The following MSRB3 variants were observed in gnomAD, a reference collection of about 807,000 sequenced individuals.
MSRB3 encodes methionine-R-sulfoxide reductase B3.
MSRB3 carries 13 observed loss-of-function variants against 21.0 expected under a neutral mutation model. The observed-to-expected ratio is 0.62, with a 90% CI of 0.40 to 0.98. The LOEUF is 0.98. Ranked by LOEUF, MSRB3 falls within the 50% of genes least tolerant of loss-of-function variation. The probability of loss-of-function intolerance (pLI) is 0.00; values close to 1 mark genes in which losing one functional copy is unlikely to be tolerated. For missense variants in MSRB3, 199 were observed against 230.3 expected, an observed-to-expected ratio of 0.86 and a Z score of 0.88; for synonymous variants, 87 against 88.6, an observed-to-expected ratio of 0.98 and a Z score of 0.10.
intron 5 of MSRB3, among the ~76,000 whole-genome samples, chr12:65,391,115 C>T (rs561871899): frequency 3.3e-5 from 5 of 151,988 alleles, no homozygotes; most frequent in Admixed American, 6.6e-5. Context: ...AGTATTTGAA[C>T]GATAGGAACA....
chr12:65,452,080 C>T (rs569499706), intron 5 of MSRB3, among the ~76,000 whole-genome samples: 7 of 152,076 alleles, frequency 4.6e-5, no homozygotes, highest in Non-Finnish European at 1.0e-4. Flanking sequence ...TCTATTTCTC[C>T]ATACCTATTT....
chr12:65,308,422 ATG>A, intron 1 of MSRB3, 105 bp from the exon 2 acceptor site: 1 of 1,411,748 alleles, frequency 7.1e-7, no homozygotes, highest in Non-Finnish European at 9.7e-7. Flanking sequence ...CAGTATGTGC[ATG>A]TGTTCAGTTC....
intron 5 of MSRB3, among the ~76,000 whole-genome samples, chr12:65,379,200 ATCCAT>A (rs1878807339): frequency 6.6e-6 from 1 of 151,774 alleles, no homozygotes; most frequent in African/African-American, 2.4e-5. Context: ...CCATCCATCC[ATCCAT>A]CCATCCATCC....
chr12:65,285,628 C>T (rs1872295213), intron 1 of MSRB3: 1 of 152,208 alleles, frequency 6.6e-6, no homozygotes, highest in African/African-American at 2.4e-5. Context: ...TGAGTCCAGC[C>T]TGGGCGGCGT....
intron 5 of MSRB3, among the ~76,000 whole-genome samples, chr12:65,374,945 G>C (rs1565861668): frequency 6.6e-6 from 1 of 151,522 alleles, no homozygotes; most frequent in Non-Finnish European, 1.5e-5. Context: ...CGCCTCCCAG[G>C]TTTACGCCAT....
chr12:65,405,635 G>A (rs960953002), intron 5 of MSRB3, among the ~76,000 whole-genome samples: 5 of 152,044 alleles, frequency 3.3e-5, no homozygotes, highest in African/African-American at 1.2e-4. Flanking sequence ...TCATATGGTA[G>A]TTGTTTTTTA....
intron 5 of MSRB3, among the ~76,000 whole-genome samples, chr12:65,377,040 C>A (rs1378762243): frequency 2.0e-5 from 3 of 152,132 alleles, no homozygotes; most frequent in Non-Finnish European, 2.9e-5. Flanking sequence ...CCCGACTACT[C>A]CATCTTGTTG....
intron 4 of MSRB3, among the ~76,000 whole-genome samples, chr12:65,360,800 G>A (rs1877655321): frequency 6.6e-6 from 1 of 152,108 alleles, no homozygotes; most frequent in African/African-American, 2.4e-5. Flanking sequence ...GATTCTTACT[G>A]CACTATGCAC....
chr12:65,447,621 A>G (rs1882679546), intron 5 of MSRB3, among the ~76,000 whole-genome samples: 1 of 152,226 alleles, frequency 6.6e-6, no homozygotes, highest in Non-Finnish European at 1.5e-5. Context: ...TAGAAGATTA[A>G]TCAAAATAAC....
chr12:65,425,047 A>ATATATATTTAGGTCTTCTGGTTTTGGTT (rs1881514334), intron 5 of MSRB3, among the ~76,000 whole-genome samples: 1 of 8,822 alleles, frequency 1.1e-4, no homozygotes, highest in African/African-American at 2.8e-4. Context: ...TTATATGTAT[A>ATATATATTTAGGTCTTCTGGTTTTGGTT]TTATATATAT....
chr12:65,454,781 A>G (rs960040838), intron 6 of MSRB3, among the ~76,000 whole-genome samples: 1 of 152,228 alleles, frequency 6.6e-6, no homozygotes, highest in African/African-American at 2.4e-5. Flanking sequence ...GCAAATGAGC[A>G]TGTGTTGAGG....
At chr12:65,290,910 G>T (rs1872628713) in intron 1 of MSRB3, among the ~76,000 whole-genome samples, 1 of 152,202 alleles carries the variant, frequency 6.6e-6, no homozygotes, top group Admixed American at 6.5e-5. Context: ...GTTCATGAGG[G>T]GAAATAAAGT....
chr12:65,422,529 A>G (rs1881378907), intron 5 of MSRB3, among the ~76,000 whole-genome samples: 1 of 149,810 alleles, frequency 6.7e-6, no homozygotes, highest in Non-Finnish European at 1.5e-5. Context: ...CACCTCATGC[A>G]TTTATCCTTT....
At chr12:65,282,256 G>A (rs1872070688) in intron 1 of MSRB3, among the ~76,000 whole-genome samples, 1 of 151,516 alleles carries the variant, frequency 6.6e-6, no homozygotes, top group Admixed American at 6.6e-5. Context: ...AGCGGATGTT[G>A]CAGTGAGCCA....
chr12:65,352,627 A>G (rs1450000150), intron 4 of MSRB3, among the ~76,000 whole-genome samples: 1 of 151,972 alleles, frequency 6.6e-6, no homozygotes, highest in Non-Finnish European at 1.5e-5. Flanking sequence ...CTCAGGATAC[A>G]AAATCAATGT....
chr12:65,282,676 G>GTT (rs796149617), intron 1 of MSRB3, among the ~76,000 whole-genome samples: 1,906 of 133,736 alleles, frequency 0.014, 31 homozygotes, highest in African/African-American at 0.03. Context: ...CTTTGCTGGT[G>GTT]TTTTTTTTTT....
chr12:65,335,790 G>A (rs1875727819), intron 4 of MSRB3, among the ~76,000 whole-genome samples: 2 of 152,140 alleles, frequency 1.3e-5, no homozygotes, highest in African/African-American at 2.4e-5. Context: ...TTTAACTTAA[G>A]CTTTCTTTTG....
intron 5 of MSRB3, among the ~76,000 whole-genome samples, chr12:65,428,739 CTCTG>C (rs138057245): frequency 0.023 from 3,493 of 152,206 alleles, 150 homozygotes; most frequent in African/African-American, 0.081. Context: ...CTAGACCTTT[CTCTG>C]TCTATGTTCA....
Position 65,460,379 on chromosome 12 carries a change from A to G in MSRB3, c.391-2776A>G. Among the ~76,000 whole-genome samples, 2 of 151,724 alleles carry G rather than the reference A, an allele frequency of 1.3e-5. 1 individual carries two copies. The highest frequency in any genetic ancestry group is 2.9e-5 in the Non-Finnish European group (2 of 68,018). ...TCAAGGCTTGTGCGCTTTTCAAAGA[A>G]ACCGGGTAACAGTCCTTTCTGGGAG... is the stretch of plus-strand genomic sequence containing the variant. On this transcript the variant is annotated intron_variant, in intron 6 of 6. Coordinates refer to ENST00000308259, the MANE Select transcript of MSRB3 (RefSeq NM_001031679.3).
Sources: gnomAD v4.1 joint callset for allele counts (sites outside exome capture counted in the v4.1 genomes callset) on GRCh38, gnomAD v4.1.1 for gene constraint, MANE v1.5 for transcripts, NCBI Gene and HGNC (gene_info 2026-07-23, HGNC 2026-07-21) for gene names.